The following PCDHGB5 variants were observed in gnomAD, a reference collection of about 807,000 sequenced individuals.
PCDHGB5 encodes protocadherin gamma-B5.
PCDHGB5 carries 48 observed loss-of-function variants against 62.9 expected under a neutral mutation model. That is an observed-to-expected ratio of 0.76 (90% CI 0.61 to 0.97). The LOEUF is 0.97. Among genes scored for constraint, PCDHGB5 ranks in the 50% least tolerant of loss-of-function variants. The pLI is 0.00. For missense variants in PCDHGB5, 1,118 were observed against 1,198.6 expected (o/e 0.93, Z 0.99); for synonymous variants, 474 against 511.2 (o/e 0.93, Z 0.98).
In PCDHGB5 at chr5:141,494,676, C is replaced by T. The variant is rs2099755997; in HGVS notation, c.2398-131C>T. On this transcript the variant is annotated intron_variant, in intron 1 of 3. Transcript: ENST00000617380. ...TTTGTCTTTGGAGATGAGTCCACCCCTGCCCCCTCTTAGTCCGTTTTCTTC... is the reference window on the plus strand; with the variant it reads ...TTTGTCTTTGGAGATGAGTCCACCCTTGCCCCCTCTTAGTCCGTTTTCTTC... 1.7e-5 allele frequency: 26 copies of T among 1,550,800 alleles called. No individual in the cohort carries two copies. In the South Asian group the frequency reaches 3.0e-4, roughly 18 times the overall value.
chr5:141,501,789 C>T (rs367954511), intron 2 of PCDHGB5, among the ~76,000 whole-genome samples: 1 of 152,262 alleles, frequency 6.6e-6, no homozygotes, highest in South Asian at 2.1e-4. Context: ...TCTCCCTCTG[C>T]TCATCTCTTA....
Position 141,489,361 on chromosome 5 carries a change from C to A in PCDHGB5, c.2398-5446C>A. ...TTACTCAGTGGTGGAGGAGTCTGAG[C>A]CGGGGACGCTGGTGGGGAATGTTGC... On this transcript the variant is annotated intron_variant, in intron 1 of 3. Transcript: ENST00000617380. This position sits in a 1 kb window ranked among gnomAD's most constrained non-coding sequence, Gnocchi z 4.5. 1 of 1,612,880 alleles carries A rather than the reference C, an allele frequency of 6.2e-7. No individual in the cohort carries two copies. The highest frequency in any genetic ancestry group is 8.5e-7 in the Non-Finnish European group (1 of 1,179,164).
chr5:141,505,577 G>A lies in PCDHGB5; in HGVS notation c.2545+96G>A, dbSNP rs537948666. 8.2e-6 allele frequency: 13 copies of A among 1,589,854 alleles called. No homozygotes were observed. The African/African-American group carries it at 1.1e-4, about 13-fold the overall frequency. Reference sequence around the variant, plus strand: ...TGCCCACGGACTGGATGTCAAACCTGTGTAGTTTCTCCAGATCTTTCGGCA... The same window carrying A: ...TGCCCACGGACTGGATGTCAAACCTATGTAGTTTCTCCAGATCTTTCGGCA... On this transcript the variant is annotated intron_variant, in intron 3 of 3. Coordinates refer to ENST00000617380, the MANE Select transcript of PCDHGB5 (RefSeq NM_018925.3).
At chr5:141,417,626 T>G in intron 1 of PCDHGB5, 2 of 689,576 alleles carry the variant, frequency 2.9e-6, no homozygotes, top group East Asian at 2.9e-5. Flanking sequence ...GAGCAAGCGC[T>G]GACGCCGGGG....
chr5:141,398,643 C>T lies in PCDHGB5; in HGVS notation c.516C>T (p.Leu172=), dbSNP rs746159571. The T allele has an allele frequency of 6.2e-7, 1 of 1,614,024 alleles. No individual in the cohort carries two copies. Among genetic ancestry groups the T allele is most frequent in the Admixed American group, 1.7e-5 (1 of 60,024 alleles). The change falls in exon 1 of 4, where the codon CTC becomes CTT. Residue 172 remains leucine, a synonymous_variant. Coordinates refer to ENST00000617380, the MANE Select transcript of PCDHGB5 (RefSeq NM_018925.3). ...TAAACTCTCTGCAGAAGTATAAACT[C>T]TCTCTTAACCCAAGTTTCTCATTAA... ...IGLNSLQKYK[L]SLNPSFSLII...
chr5:141,475,553 T>A (rs1159585016), intron 1 of PCDHGB5, among the ~76,000 whole-genome samples: 2 of 152,260 alleles, frequency 1.3e-5, no homozygotes, highest in Non-Finnish European at 2.9e-5. Flanking sequence ...GTCCGGCTAA[T>A]TGTCTGTCTT....
chr5:141,433,204 C>T, intron 1 of PCDHGB5: 6 of 1,566,938 alleles, frequency 3.8e-6, no homozygotes, highest in Admixed American at 2.0e-5. Flanking sequence ...ATCAAATCTT[C>T]TTTCTTTTTT....
In PCDHGB5 at chr5:141,512,494, C is replaced by T. The variant is rs2099884262; in HGVS notation, c.*1321C>T. The T allele has an allele frequency of 6.5e-6, 1 of 152,894 alleles. No individual in the cohort carries two copies. Among genetic ancestry groups the T allele is most frequent in the Admixed American group, 6.5e-5 (1 of 15,282 alleles). The allele number at this position is 152,894 out of a possible 1,614,324, so 9.5% of individuals were successfully genotyped here. Reference sequence around the variant, plus strand: ...CTTCCGTGAAGGCCACTGCCCAGGTCCCCAGTGCGCCCCCTAGTGGCCATA... The same window carrying T: ...CTTCCGTGAAGGCCACTGCCCAGGTTCCCAGTGCGCCCCCTAGTGGCCATA... On this transcript the variant is annotated 3_prime_UTR_variant, in exon 4 of 4. Transcript: ENST00000617380.
intron 1 of PCDHGB5, among the ~76,000 whole-genome samples, chr5:141,434,700 G>A (rs1041657389): frequency 6.6e-6 from 1 of 151,780 alleles, no homozygotes; most frequent in Non-Finnish European, 1.5e-5. Context: ...TAATAAATAT[G>A]TGGGTAAATC....
At chr5:141,407,967 T>C (rs1589649755) in intron 1 of PCDHGB5, 2 of 705,496 alleles carry the variant, frequency 2.8e-6, no homozygotes, top group South Asian at 2.3e-5. Flanking sequence ...GAGCAAGCGC[T>C]GACGCCGGGG....
intron 1 of PCDHGB5, among the ~76,000 whole-genome samples, chr5:141,460,995 A>G (rs566978077): frequency 1.1e-4 from 17 of 150,188 alleles, no homozygotes; most frequent in South Asian, 2.1e-4. Flanking sequence ...ATATATATAT[A>G]TGTGTATATA....
At position 141,491,692 on chromosome 5, in the gene PCDHGB5, C is replaced by A. The variant is rs749349869; in HGVS notation, c.2398-3115C>A. The A allele has an allele frequency of 6.2e-7, 1 of 1,612,592 alleles. No homozygotes were observed. Among genetic ancestry groups the A allele is most frequent in the Non-Finnish European group, 8.5e-7 (1 of 1,179,338 alleles). On this transcript the variant is annotated intron_variant, in intron 1 of 3. Coordinates refer to ENST00000617380, the MANE Select transcript of PCDHGB5 (RefSeq NM_018925.3). This position sits in a 1 kb window ranked among gnomAD's most constrained non-coding sequence, Gnocchi z 6.9. ...GTCCCGCTCTAATACGCTGCGGGAG[C>A]GGAGCCAGGTGAGGGGCTCGGCGCC...
intron 1 of PCDHGB5, chr5:141,418,345 T>G: frequency 6.2e-7 from 1 of 1,614,000 alleles, no homozygotes; most frequent in Non-Finnish European, 8.5e-7. Context: ...ATCCTGATAT[T>G]AGTATGAATT....
intron 1 of PCDHGB5, chr5:141,419,142 G>A (rs1351034238): frequency 6.2e-7 from 1 of 1,613,902 alleles, no homozygotes; most frequent in Non-Finnish European, 8.5e-7. Context: ...ACAGACAGGG[G>A]CAAGCCTCCG....
intron 1 of PCDHGB5, among the ~76,000 whole-genome samples, chr5:141,438,579 CATACATACATACATATATATAT>C (rs1356926315): frequency 3.6e-5 from 2 of 55,782 alleles, no homozygotes; most frequent in Non-Finnish European, 6.0e-5. Context: ...GATATACATA[CATACATACATACATATATATAT>C]ATATATATAT....
At chr5:141,427,509 G>T in intron 1 of PCDHGB5, 1 of 588,640 alleles carries the variant, frequency 1.7e-6, no homozygotes, top group Non-Finnish European at 3.2e-6. Flanking sequence ...TGGGACCCTG[G>T]ATTGGGAGCG....
In PCDHGB5 at chr5:141,512,470, T is replaced by G. The variant is rs2099884244; in HGVS notation, c.*1297T>G. On this transcript the variant is annotated 3_prime_UTR_variant, in exon 4 of 4. Transcript: ENST00000617380. ...TTCACCTTGCCAGGTGCCGTTTCTC[T>G]TCCGTGAAGGCCACTGCCCAGGTCC... 6.5e-6 allele frequency: 1 copy of G among 152,892 alleles called. No individual in the cohort carries two copies. The highest frequency in any genetic ancestry group is 2.1e-4 in the South Asian group (1 of 4,834). 9.5% of individuals were successfully genotyped at this position (152,892 alleles called of 1,614,324 possible).
chr5:141,440,077 C>T (rs983267885), intron 1 of PCDHGB5: 1 of 152,424 alleles, frequency 6.6e-6, no homozygotes, highest in Non-Finnish European at 1.5e-5. Flanking sequence ...AGGAATAATA[C>T]TTCATTCTAA....
chr5:141,474,579 G>A (rs1340685342), intron 1 of PCDHGB5, among the ~76,000 whole-genome samples: 3 of 152,196 alleles, frequency 2.0e-5, no homozygotes, highest in Non-Finnish European at 4.4e-5. Flanking sequence ...TAATTGAAGT[G>A]TTAAAGACAT....
Sources: allele counts gnomAD v4.1 joint callset (sites outside exome capture counted in the v4.1 genomes callset), GRCh38; gene constraint gnomAD v4.1.1; non-coding constraint Gnocchi (gnomAD v3.1); transcripts MANE v1.5; gene names NCBI Gene and HGNC (gene_info 2026-07-23, HGNC 2026-07-21).